Variants in GRIK1 observed in about 807,000 individuals in gnomAD.
GRIK1 encodes the protein glutamate ionotropic receptor kainate type subunit 1.
GRIK1 carries 69 observed loss-of-function variants against 105.7 expected under a neutral mutation model. That is an observed-to-expected ratio of 0.65 (90% confidence interval 0.54 to 0.80). GRIK1 has a LOEUF of 0.80. GRIK1 is among the 30% of genes least tolerant of loss of function. The pLI is 0.00. For missense variants in GRIK1, 1,109 were observed against 1,167.3 expected (o/e 0.95, Z 0.73); for synonymous variants, 438 against 431.3 (o/e 1.02, Z -0.19).
At chr21:29,606,421 T>C (rs756148753) in intron 7 of GRIK1, among the ~76,000 whole-genome samples, 8 of 152,148 alleles carry the variant, frequency 5.3e-5, no homozygotes, top group Non-Finnish European at 7.4e-5. Context: ...CTATTTATCC[T>C]GATGCTTTGA....
chr21:29,538,845 T>A (rs965567121), intron 16 of GRIK1, among the ~76,000 whole-genome samples: 13 of 152,228 alleles, frequency 8.5e-5, no homozygotes, highest in Non-Finnish European at 1.5e-4. Context: ...AATAACTTGA[T>A]GTAGTTTAGA....
intron 1 of GRIK1, among the ~76,000 whole-genome samples, chr21:29,913,007 G>A (rs1004968589): frequency 8.6e-5 from 13 of 151,994 alleles, no homozygotes; most frequent in South Asian, 2.1e-4. Context: ...ATTACATGAC[G>A]TACTTAATAC....
intron 1 of GRIK1, among the ~76,000 whole-genome samples, chr21:29,782,135 G>A (rs912755328): frequency 1.3e-5 from 2 of 148,276 alleles, no homozygotes; most frequent in Non-Finnish European, 3.0e-5. Flanking sequence ...CGCCCAGGCT[G>A]GAGTGCAGTG....
chr21:29,640,740 C>G (rs2146519547), intron 7 of GRIK1, among the ~76,000 whole-genome samples: 1 of 152,160 alleles, frequency 6.6e-6, no homozygotes, highest in Non-Finnish European at 1.5e-5. Flanking sequence ...CCTTGAACTT[C>G]TAGGAGATAA....
At chr21:29,670,719 C>T (rs1290751141) in intron 4 of GRIK1, among the ~76,000 whole-genome samples, 1 of 152,172 alleles carries the variant, frequency 6.6e-6, no homozygotes, top group Non-Finnish European at 1.5e-5. Context: ...CTTTTGAGGG[C>T]TACACATAAA....
At chr21:29,640,874 G>C (rs1364124661) in intron 7 of GRIK1, among the ~76,000 whole-genome samples, 1 of 152,190 alleles carries the variant, frequency 6.6e-6, no homozygotes, top group Non-Finnish European at 1.5e-5. Flanking sequence ...CAGTGTGTCA[G>C]AGTTATGTAG....
At chr21:29,629,938 C>T (rs1443131055) in intron 7 of GRIK1, among the ~76,000 whole-genome samples, 1 of 152,168 alleles carries the variant, frequency 6.6e-6, no homozygotes, top group Non-Finnish European at 1.5e-5. Flanking sequence ...AGCCTAGCTA[C>T]TGTTGGACAC....
intron 14 of GRIK1, among the ~76,000 whole-genome samples, chr21:29,574,683 CTTTTT>C (rs71191118): frequency 0.024 from 2,358 of 98,542 alleles, 15 homozygotes; most frequent in Non-Finnish European, 0.036. Context: ...TGATACACTT[CTTTTT>C]TTTTTTTTTT....
chr21:29,752,287 T>C (rs2065226135), intron 1 of GRIK1, among the ~76,000 whole-genome samples: 1 of 152,254 alleles, frequency 6.6e-6, no homozygotes, highest in African/African-American at 2.4e-5. Flanking sequence ...CCAGGAATGA[T>C]ATCCTTAACA....
At chr21:29,768,478 G>A (rs1267066346) in intron 1 of GRIK1, among the ~76,000 whole-genome samples, 4 of 152,190 alleles carry the variant, frequency 2.6e-5, no homozygotes, top group African/African-American at 9.7e-5. Flanking sequence ...CCTGGTGCTT[G>A]ATTCTGCAGG....
intron 1 of GRIK1, among the ~76,000 whole-genome samples, chr21:29,866,923 C>T (rs922498927): frequency 6.6e-6 from 1 of 152,178 alleles, no homozygotes; most frequent in East Asian, 1.9e-4. Flanking sequence ...GAGTCCTGCA[C>T]TCAGTTTGGC....
Position 29,577,063 on chromosome 21 carries a change from C to T in GRIK1, c.2031G>A (p.Glu677=), listed in dbSNP as rs775590067. ...TANLAAFLTV[E]RMESPIDSAD... is the part of the protein sequence containing the mutation. ...CCGAATCTATGGGGGATTCCATTCT[C>T]TCTACTGTCAAGAAGGCAGCCAGAT... The change falls in exon 14 of 18, where the codon GAG becomes GAA. Residue 677 remains glutamate (E), a synonymous_variant. Coordinates refer to ENST00000327783, the MANE Select transcript of GRIK1 (RefSeq NM_001330994.2). 6.8e-6 allele frequency: 11 copies of T among 1,613,288 alleles called. No homozygotes were observed. The South Asian group carries it at 1.1e-4, about 16-fold the overall frequency.
chr21:29,821,205 T>C (rs2067297734), intron 1 of GRIK1, among the ~76,000 whole-genome samples: 1 of 152,050 alleles, frequency 6.6e-6, no homozygotes, highest in Non-Finnish European at 1.5e-5. Flanking sequence ...CTGTATTCTT[T>C]CAATAAAGTA....
chr21:29,545,173 A>C lies in GRIK1; in HGVS notation c.2608-7289T>G, dbSNP rs547147319. The stretch of plus-strand genomic sequence containing the variant: ...GATGGTATAAAAGGGAGCATGAAAC[A>C]TGGCCCAGTCCAGTGCTATGAGCAG... On this transcript the variant is annotated intron_variant, in intron 16 of 17. Transcript: ENST00000327783. Among the ~76,000 whole-genome samples the C allele has an allele frequency of 4.6e-5, 7 of 152,246 alleles. No individual in the cohort carries two copies. In the South Asian group the frequency reaches 1.2e-3, roughly 27 times the overall value.
At chr21:29,758,783 G>A (rs2065423552) in intron 1 of GRIK1, 1 of 152,646 alleles carries the variant, frequency 6.6e-6, no homozygotes, top group Non-Finnish European at 1.5e-5. Context: ...TCATTAGTGT[G>A]CGTTTAGTGA....
At chr21:29,884,866 C>T (rs1254347938) in intron 1 of GRIK1, among the ~76,000 whole-genome samples, 1 of 152,012 alleles carries the variant, frequency 6.6e-6, no homozygotes, top group Non-Finnish European at 1.5e-5. Context: ...CTTCAACAGA[C>T]ATCCAGTGTT....
At chr21:29,918,235 T>A (rs1373932153) in intron 1 of GRIK1, among the ~76,000 whole-genome samples, 2 of 152,108 alleles carry the variant, frequency 1.3e-5, no homozygotes, top group Non-Finnish European at 2.9e-5. Context: ...AATAATTACA[T>A]GCAAATGAAG....
At chr21:29,923,575 A>G (rs1255249829) in intron 1 of GRIK1, among the ~76,000 whole-genome samples, 1 of 152,220 alleles carries the variant, frequency 6.6e-6, no homozygotes, top group African/African-American at 2.4e-5. Context: ...AATTGAACAA[A>G]AGTTAAAGTC....
At chr21:29,891,329 T>C (rs907558213) in intron 1 of GRIK1, among the ~76,000 whole-genome samples, 13 of 152,180 alleles carry the variant, frequency 8.5e-5, no homozygotes, top group African/African-American at 2.9e-4. Flanking sequence ...TATTTTTATG[T>C]TATGATTCAA....
Sources: allele counts gnomAD v4.1 joint callset (sites outside exome capture counted in the v4.1 genomes callset), GRCh38; gene constraint gnomAD v4.1.1; transcripts MANE v1.5; gene names NCBI Gene and HGNC (gene_info 2026-07-23, HGNC 2026-07-21).